Variants in PYROXD2 observed in about 807,000 individuals in gnomAD.
The protein encoded by PYROXD2 is pyridine nucleotide-disulfide oxidoreductase domain-containing protein 2.
In PYROXD2, 69 loss-of-function variants were observed where a neutral mutation model predicts 71.1. That is an observed-to-expected ratio of 0.97 (90% CI 0.80 to 1.19). The LOEUF is 1.19. Ranked by LOEUF, PYROXD2 falls within the 50% of genes most tolerant of loss-of-function variation. The pLI is 0.00. For synonymous variants in PYROXD2, 287 were observed against 302.7 expected (o/e 0.95, Z 0.54); for missense variants, 745 against 748.9 (o/e 0.99, Z 0.06).
chr10:98,391,151 G>T, intron 10 of PYROXD2, 69 bp from the exon 11 acceptor site: 1 of 1,017,944 alleles, frequency 9.8e-7, no homozygotes, highest in Non-Finnish European at 1.6e-6. Flanking sequence ...TTCTTTCTTT[G>T]CTCAGGAAGA....
intron 10 of PYROXD2, 82 bp downstream of exon 10, chr10:98,392,350 A>G: frequency 3.2e-6 from 5 of 1,560,410 alleles, no homozygotes; most frequent in African/African-American, 1.3e-5. Context: ...CCCTGATGCA[A>G]TCCTGGCTCC....
At chr10:98,408,046 G>A in intron 2 of PYROXD2, 49 bp from the exon 3 acceptor site, 1 of 1,544,882 alleles carries the variant, frequency 6.5e-7, no homozygotes, top group Non-Finnish European at 8.8e-7. Flanking sequence ...CCTCTGAAAT[G>A]TCAGGGCTCC....
chr10:98,415,040 C>A lies in PYROXD2; in HGVS notation c.96G>T (p.Lys32Asn). The change falls in exon 1 of 16, where the codon AAG becomes AAT. Residue 32 changes from lysine to asparagine, a missense_variant. Lys to Asn is a moderately conservative substitution (Grantham distance 94). Coordinates refer to ENST00000370575, the MANE Select transcript of PYROXD2 (RefSeq NM_032709.3). ...CTATCACCACCGCATCATACTCAGGCTTCAGACCTCCCCTGGCTTCCGTGT... is the reference window on the plus strand; with the variant it reads ...CTATCACCACCGCATCATACTCAGGATTCAGACCTCCCCTGGCTTCCGTGT... Reference protein sequence around the residue: ...RDNTEARGGLKPEYDAVVIGA... With the variant: ...RDNTEARGGLNPEYDAVVIGA... 2 of 1,614,000 alleles carry A rather than the reference C, an allele frequency of 1.2e-6. No homozygotes were observed. Among genetic ancestry groups the A allele is most frequent in the Non-Finnish European group, 1.7e-6 (2 of 1,179,922 alleles).
rs1356469152 is a variant in PYROXD2 at position 98,383,766 on chromosome 10, A to T, written c.*32T>A. 1 of 1,592,596 alleles carries T rather than the reference A, an allele frequency of 6.3e-7. No individual in the cohort carries two copies. The highest frequency in any genetic ancestry group is 8.6e-7 in the Non-Finnish European group (1 of 1,160,418). ...TGGAGCACTTGGAATTCAGGGGTGGAGTCTTCTTCCTGGGTCAGAGCTGGT... is the reference window on the plus strand; with the variant it reads ...TGGAGCACTTGGAATTCAGGGGTGGTGTCTTCTTCCTGGGTCAGAGCTGGT... On this transcript the variant is annotated 3_prime_UTR_variant, in exon 16 of 16. Transcript: ENST00000370575.
intron 12 of PYROXD2, among the ~76,000 whole-genome samples, chr10:98,388,728 C>T (rs1231449978): frequency 6.6e-6 from 1 of 151,984 alleles, no homozygotes; most frequent in Admixed American, 6.6e-5. Flanking sequence ...CCCCCGAATG[C>T]ATGGCCTGTC....
At position 98,388,567 on chromosome 10, in the gene PYROXD2, TC is replaced by T; in HGVS notation, c.1293-60del. The stretch of plus-strand genomic sequence containing the variant: ...GAGCAGCAGTGCGGAGGGTAGGGCA[TC>T]CGAGATGACTTGGGACACAGTGGAG... On this transcript the variant is annotated intron_variant, in intron 12 of 15. Coordinates refer to ENST00000370575, the MANE Select transcript of PYROXD2 (RefSeq NM_032709.3). 6 of 1,449,032 alleles carry T rather than the reference TC, an allele frequency of 4.1e-6. No individual in the cohort carries two copies. The South Asian group carries it at 8.7e-5, about 21-fold the overall frequency. 89.8% of individuals were successfully genotyped at this position (1,449,032 alleles called of 1,614,324 possible).
intron 1 of PYROXD2, 192 bp downstream of exon 1, chr10:98,414,817 G>A (rs762571289): frequency 7.0e-5 from 53 of 761,794 alleles, no homozygotes; most frequent in Non-Finnish European, 8.9e-5. Context: ...AGCCAGCACC[G>A]GAATCCCAGG....
chr10:98,400,393 T>G (rs1331565498), intron 4 of PYROXD2, 136 bp from the exon 5 acceptor site: 1 of 809,568 alleles, frequency 1.2e-6, no homozygotes. Flanking sequence ...GGTGTCTGTT[T>G]TTTAAATATA....
At chr10:98,394,828 A>T (rs1843101276) in intron 8 of PYROXD2, among the ~76,000 whole-genome samples, 1 of 151,984 alleles carries the variant, frequency 6.6e-6, no homozygotes, top group Non-Finnish European at 1.5e-5. Context: ...AGGGAAGAGG[A>T]GAGAAAAGAA....
chr10:98,391,221 T>G, intron 10 of PYROXD2, 139 bp from the exon 11 acceptor site: 1 of 657,192 alleles, frequency 1.5e-6, no homozygotes, highest in Non-Finnish European at 2.7e-6. Context: ...CAAAACCACC[T>G]CCCCTGTGAA....
At chr10:98,385,663 C>T (rs997601382) in intron 14 of PYROXD2, among the ~76,000 whole-genome samples, 16 of 152,182 alleles carry the variant, frequency 1.1e-4, no homozygotes, top group Admixed American at 2.6e-4. Flanking sequence ...TCCCCCACTG[C>T]CCTCTTCACC....
chr10:98,407,534 G>A (rs1194361252), intron 4 of PYROXD2, 48 bp downstream of exon 4: 1 of 1,606,774 alleles, frequency 6.2e-7, no homozygotes, highest in South Asian at 1.1e-5. Flanking sequence ...TTGGGAAGAT[G>A]GAACTGCCTC....
In PYROXD2 at chr10:98,395,204, C is replaced by A. The variant is rs147162823; in HGVS notation, c.777G>T (p.Pro259=). ...TCACCCCCCTCACTCACCCACTCCCCGGAGTGTGGGGACTTGTCATGGCTC... is the reference window on the plus strand; with the variant it reads ...TCACCCCCCTCACTCACCCACTCCCAGGAGTGTGGGGACTTGTCATGGCTC... ...VIGAMTSPHT[P]GSGYVLLHHV... Residue 259 remains proline, a synonymous_variant, in exon 8 of 16, where the codon CCG becomes CCT. Transcript: ENST00000370575. 8.1e-6 allele frequency: 13 copies of A among 1,613,744 alleles called. No individual in the cohort carries two copies. In the African/African-American group the frequency reaches 1.5e-4, roughly 18 times the overall value.
At chr10:98,408,874 G>GGT (rs1843697337) in intron 2 of PYROXD2, among the ~76,000 whole-genome samples, 2 of 152,104 alleles carry the variant, frequency 1.3e-5, no homozygotes, top group African/African-American at 4.8e-5. Flanking sequence ...CACCAGCCAA[G>GGT]AGGTAGGTAC....
chr10:98,415,106 C>T lies in PYROXD2; in HGVS notation c.30G>A (p.Lys10=), dbSNP rs141531625. The T allele has an allele frequency of 4.3e-6, 7 of 1,613,832 alleles. No homozygotes were observed. The highest frequency in any genetic ancestry group is 5.9e-6 in the Non-Finnish European group (7 of 1,179,898). Residue 10 remains lysine, a synonymous_variant, in exon 1 of 16, where the codon AAG becomes AAA. Coordinates refer to ENST00000370575, the MANE Select transcript of PYROXD2 (RefSeq NM_032709.3). ...CCGGGAAGGGAGAGGCGGCCACAGC[C>T]TTGCAGAGACCTCGGCCACTTGCAG... MAASGRGLC[K]AVAASPFPAW... is the part of the protein sequence containing the mutation.
In PYROXD2 at chr10:98,406,168, C is replaced by G. The variant is rs1330521582; in HGVS notation, c.315+1414G>C. Among the ~76,000 whole-genome samples the G allele has an allele frequency of 2.0e-5, 3 of 152,332 alleles. No homozygotes were observed. In the East Asian group the frequency reaches 5.8e-4, roughly 29 times the overall value. Reference sequence around the variant, plus strand: ...GAGCTCCATACTCCTATTACTGCAGCCCAAGGCAGAGGTTAAAGCATCTAC... The same window carrying G: ...GAGCTCCATACTCCTATTACTGCAGGCCAAGGCAGAGGTTAAAGCATCTAC... On this transcript the variant is annotated intron_variant, in intron 4 of 15. Coordinates refer to ENST00000370575, the MANE Select transcript of PYROXD2 (RefSeq NM_032709.3).
intron 6 of PYROXD2, among the ~76,000 whole-genome samples, chr10:98,396,227 G>A (rs1024856499): frequency 3.3e-5 from 5 of 152,196 alleles, no homozygotes; most frequent in Admixed American, 2.0e-4. Flanking sequence ...AATGTTTGCC[G>A]ATGTGACACA....
In PYROXD2 at chr10:98,390,720, G is replaced by A. The variant is rs752562143; in HGVS notation, c.1170C>T (p.Ala390=). 1.9e-6 allele frequency: 3 copies of A among 1,608,320 alleles called. No individual in the cohort carries two copies. ...AVDRLPSFLA[A]PNAPRGQPLP... is the part of the protein sequence containing the mutation. ...GCGGCTGGCCCCTGGGAGCATTGGG[G>A]GCCGCCAGGAAGCTGGGCAGCCTGT... Residue 390 remains alanine (A), a synonymous_variant, in exon 12 of 16, where the codon GCC becomes GCT. Transcript: ENST00000370575.
intron 1 of PYROXD2, among the ~76,000 whole-genome samples, chr10:98,413,279 AG>A (rs1304111048): frequency 1.3e-5 from 2 of 152,256 alleles, no homozygotes; most frequent in Non-Finnish European, 2.9e-5. Context: ...GTCAGGCTTA[AG>A]AAAGTGATGG....
Sources: allele counts gnomAD v4.1 joint callset (sites outside exome capture counted in the v4.1 genomes callset), GRCh38; gene constraint gnomAD v4.1.1; transcripts MANE v1.5; gene names NCBI Gene and HGNC (gene_info 2026-07-23, HGNC 2026-07-21).